Variants in SHC4 observed in about 807,000 individuals in gnomAD.
SHC4 encodes SHC-transforming protein 4.
SHC4 carries 41 observed loss-of-function variants against 69.4 expected under a neutral mutation model. That is an observed-to-expected ratio of 0.59 (90% CI 0.46 to 0.77). SHC4 has a LOEUF of 0.77. Ranked by LOEUF, SHC4 falls within the 30% of genes least tolerant of loss-of-function variation. SHC4 has a pLI of 0.00. For synonymous variants in SHC4, 318 were observed against 299.3 expected, an observed-to-expected ratio of 1.06 and a Z score of -0.64; for missense variants, 777 against 783.8, an observed-to-expected ratio of 0.99 and a Z score of 0.10.
intron 2 of SHC4, among the ~76,000 whole-genome samples, chr15:48,902,603 T>C (rs1277428895): frequency 6.6e-6 from 1 of 152,058 alleles, no homozygotes; most frequent in African/African-American, 2.4e-5. Flanking sequence ...ACAGAAATTG[T>C]GCTCTCTAGG....
intron 2 of SHC4, among the ~76,000 whole-genome samples, chr15:48,913,005 G>A (rs1199525309): frequency 6.6e-6 from 1 of 151,498 alleles, no homozygotes; most frequent in African/African-American, 2.4e-5. Context: ...GGGTGCAGGG[G>A]CGGGTGCAGT....
At chr15:48,898,998 G>C (rs1900269850) in intron 2 of SHC4, among the ~76,000 whole-genome samples, 1 of 149,466 alleles carries the variant, frequency 6.7e-6, no homozygotes, top group South Asian at 2.1e-4. Flanking sequence ...GAGTTAAAGA[G>C]TGCACTGATG....
Position 48,962,924 on chromosome 15 carries a change from C to T in SHC4, c.92G>A (p.Ser31Asn). Residue 31 changes from serine (S) to asparagine (N), a missense_variant, in exon 1 of 12, where the codon AGC (serine) becomes AAC (asparagine). Coordinates refer to ENST00000332408, the MANE Select transcript of SHC4 (RefSeq NM_203349.4). ...CGTGATCGACTCGTTCCGAAAGCGG[C>T]TGTACTTGGCCCTGTGCAGCATCCC... ...HPGMLHRAKY[S>N]RFRNESITSL... 1 of 1,613,322 alleles carries T rather than the reference C, an allele frequency of 6.2e-7. No individual in the cohort carries two copies. The highest frequency in any genetic ancestry group is 8.5e-7 in the Non-Finnish European group (1 of 1,180,040).
intron 1 of SHC4, among the ~76,000 whole-genome samples, chr15:48,957,861 C>A (rs1595770555): frequency 6.6e-6 from 1 of 152,180 alleles, no homozygotes; most frequent in Non-Finnish European, 1.5e-5. Context: ...GGAAATTTGG[C>A]CATGGACACA....
rs190693560 is a variant in SHC4, at chr15:48,934,686, G to T, written c.586-9737C>A. On this transcript the variant is annotated intron_variant, in intron 1 of 11. Coordinates refer to ENST00000332408, the MANE Select transcript of SHC4 (RefSeq NM_203349.4). ...CATTATTTATAATAGCCAAAAGGTAGAAATAACCCAAATATCCATCAACTG... is the reference window on the plus strand; with the variant it reads ...CATTATTTATAATAGCCAAAAGGTATAAATAACCCAAATATCCATCAACTG... Among the ~76,000 whole-genome samples the T allele has an allele frequency of 6.6e-5, 10 of 152,204 alleles. No individual in the cohort carries two copies. In the East Asian group the frequency reaches 1.9e-3, roughly 29 times the overall value.
chr15:48,874,239 A>G (rs1899750241), intron 4 of SHC4, among the ~76,000 whole-genome samples: 1 of 152,198 alleles, frequency 6.6e-6, no homozygotes, highest in Non-Finnish European at 1.5e-5. Flanking sequence ...CAAGAATTCA[A>G]AGTCTAAAAA....
At chr15:48,918,998 G>T (rs746820209) in intron 2 of SHC4, among the ~76,000 whole-genome samples, 3 of 152,036 alleles carry the variant, frequency 2.0e-5, no homozygotes, top group Non-Finnish European at 4.4e-5. Flanking sequence ...AAGCCCCAGG[G>T]AAATAGTTCA....
At chr15:48,863,908 G>C (rs1713306349) in intron 6 of SHC4, among the ~76,000 whole-genome samples, 3 of 151,946 alleles carry the variant, frequency 2.0e-5, no homozygotes, top group Admixed American at 1.3e-4. Flanking sequence ...CTCACCTCCA[G>C]TGTTTTCTTC....
intron 10 of SHC4, among the ~76,000 whole-genome samples, chr15:48,838,231 G>A (rs1048423257): frequency 6.6e-6 from 1 of 152,138 alleles, no homozygotes. Context: ...ACAAGAAAGC[G>A]GAGCGTTGTC....
chr15:48,954,293 C>G (rs1449960783), intron 1 of SHC4, among the ~76,000 whole-genome samples: 1 of 152,162 alleles, frequency 6.6e-6, no homozygotes, highest in Non-Finnish European at 1.5e-5. Flanking sequence ...AAAATAATCC[C>G]CCGTTGAGAA....
At chr15:48,900,037 A>G (rs757317587) in intron 2 of SHC4, among the ~76,000 whole-genome samples, 14 of 152,168 alleles carry the variant, frequency 9.2e-5, no homozygotes, top group Non-Finnish European at 1.8e-4. Context: ...CGTGTTAAGG[A>G]ATGAGGTCAC....
intron 1 of SHC4, among the ~76,000 whole-genome samples, chr15:48,928,712 C>T (rs1385835482): frequency 6.6e-6 from 1 of 152,128 alleles, no homozygotes; most frequent in Non-Finnish European, 1.5e-5. Context: ...CCAAGCATTG[C>T]TTCGGGATCC....
rs557079094 is a variant in SHC4, at chr15:48,891,280, C to T, written c.657-469G>A. Among the ~76,000 whole-genome samples the T allele has an allele frequency of 8.5e-5, 13 of 152,226 alleles. No individual in the cohort carries two copies. The East Asian group carries it at 2.5e-3, about 29-fold the overall frequency. ...AGAAAATTTAAAAGGATCGGGAGAA[C>T]GTTGAACTTCAAGGTGGTCTCAAAT... On this transcript the variant is annotated intron_variant, in intron 2 of 11. Coordinates refer to ENST00000332408, the MANE Select transcript of SHC4 (RefSeq NM_203349.4).
In SHC4 at chr15:48,963,649, G is replaced by T. The variant is rs906577187; in HGVS notation, c.-634C>A. ...AGATCTTGTCTTGCATCCCGTTCTG[G>T]GCCACCAGCCAGGAGTACTACTGAC... On this transcript the variant is annotated 5_prime_UTR_variant, in exon 1 of 12. Coordinates refer to ENST00000332408, the MANE Select transcript of SHC4 (RefSeq NM_203349.4). 6.6e-6 allele frequency among the ~76,000 whole-genome samples: 1 copy of T among 152,080 alleles called. No individual in the cohort carries two copies. The highest frequency in any genetic ancestry group is 2.4e-5 in the African/African-American group (1 of 41,396).
Position 48,826,096 on chromosome 15 carries a change from CATT to C in SHC4, c.1765_1767del (p.Asn589del). On this transcript the variant is annotated inframe_deletion, in exon 12 of 12. Transcript: ENST00000332408. ...ATATGGTATCTGATAAGGTGGCCGA[CATT>C]ATCAAATACATGATCCTTGGTCCTC... is the stretch of plus-strand genomic sequence containing the variant. The C allele has an allele frequency of 2.5e-6, 4 of 1,613,324 alleles. No homozygotes were observed. The highest frequency in any genetic ancestry group is 3.4e-6 in the Non-Finnish European group (4 of 1,179,796).
intron 1 of SHC4, among the ~76,000 whole-genome samples, chr15:48,955,138 C>T (rs1013416565): frequency 6.6e-6 from 1 of 152,082 alleles, no homozygotes; most frequent in African/African-American, 2.4e-5. Flanking sequence ...TGTCCCTTTG[C>T]GTAAAAGAAA....
intron 4 of SHC4, among the ~76,000 whole-genome samples, chr15:48,880,983 AGAGTGT>A (rs1169643289): frequency 1.8e-3 from 190 of 108,268 alleles, no homozygotes; most frequent in African/African-American, 8.0e-3. Flanking sequence ...GATGTGTGTG[AGAGTGT>A]GTGTGTGTGT....
In SHC4 at chr15:48,962,965, T is replaced by C; in HGVS notation, c.51A>G (p.Gly17=). The part of the protein sequence containing the change: ...DSLAGLVLYV[G]LFGHPGMLHR... Reference sequence around the variant, plus strand: ...GCAGCATCCCGGGGTGCCCGAAGAGTCCTACATACAGCACGAGTCCTGCCA... The same window carrying C: ...GCAGCATCCCGGGGTGCCCGAAGAGCCCTACATACAGCACGAGTCCTGCCA... Residue 17 remains glycine, a synonymous_variant, in exon 1 of 12, where the codon GGA becomes GGG. Coordinates refer to ENST00000332408, the MANE Select transcript of SHC4 (RefSeq NM_203349.4). The C allele has an allele frequency of 6.2e-7, 1 of 1,612,562 alleles. No homozygotes were observed. The highest frequency in any genetic ancestry group is 8.5e-7 in the Non-Finnish European group (1 of 1,179,822).
chr15:48,903,948 G>A (rs1900360734), intron 2 of SHC4, among the ~76,000 whole-genome samples: 1 of 152,142 alleles, frequency 6.6e-6, no homozygotes, highest in Admixed American at 6.6e-5. Context: ...TCTGTTTTAA[G>A]AAGCCTTTGC....
Sources: gnomAD v4.1 joint callset for allele counts (sites outside exome capture counted in the v4.1 genomes callset) on GRCh38, gnomAD v4.1.1 for gene constraint, MANE v1.5 for transcripts, NCBI Gene and HGNC (gene_info 2026-07-23, HGNC 2026-07-21) for gene names.